The following NXN variants were observed in gnomAD, a reference collection of about 807,000 sequenced individuals.
NXN encodes nucleoredoxin 1.
In NXN, 16 loss-of-function variants were observed where a neutral mutation model predicts 48.6. That is an observed-to-expected ratio of 0.33 (90% CI 0.22 to 0.50). NXN has a LOEUF of 0.50. Among genes scored for constraint, NXN ranks in the 20% least tolerant of loss-of-function variants. NXN has a pLI of 0.98. For synonymous variants in NXN, 281 were observed against 269.6 expected (o/e 1.04, Z -0.41); for missense variants, 492 against 605.5 (o/e 0.81, Z 1.97).
chr17:901,341 G>C (rs1368046798), intron 1 of NXN, among the ~76,000 whole-genome samples: 4 of 152,188 alleles, frequency 2.6e-5, no homozygotes, highest in African/African-American at 9.7e-5. Context: ...ACAGTATCTG[G>C]CACAAAGGCA....
intron 1 of NXN, among the ~76,000 whole-genome samples, chr17:899,672 G>T (rs545991313): frequency 9.2e-5 from 14 of 152,204 alleles, no homozygotes; most frequent in African/African-American, 3.1e-4. Context: ...TAGGTACAGG[G>T]TTTCTTTTCC....
chr17:805,496 C>T (rs1303945766), intron 5 of NXN, among the ~76,000 whole-genome samples: 2 of 152,204 alleles, frequency 1.3e-5, no homozygotes, highest in Non-Finnish European at 2.9e-5. Context: ...TTCAGGGCCT[C>T]AGGATCCTCA....
At chr17:865,961 C>T (rs2068091642) in intron 1 of NXN, among the ~76,000 whole-genome samples, 3 of 151,300 alleles carry the variant, frequency 2.0e-5, no homozygotes, top group African/African-American at 4.9e-5. Flanking sequence ...CCAGCCTGGG[C>T]GACAGAGCAA....
chr17:866,952 T>G (rs529502463), intron 1 of NXN, among the ~76,000 whole-genome samples: 1 of 152,206 alleles, frequency 6.6e-6, no homozygotes, highest in African/African-American at 2.4e-5. Flanking sequence ...GAAAGAAAAC[T>G]GATGCCAGCT....
intron 1 of NXN, among the ~76,000 whole-genome samples, chr17:891,667 C>G (rs762850035): frequency 6.1e-5 from 9 of 148,700 alleles, no homozygotes; most frequent in Non-Finnish European, 1.2e-4. Flanking sequence ...AGAGACTGTA[C>G]TTAGTTGGGG....
At chr17:945,722 A>G (rs75158649) in intron 1 of NXN, among the ~76,000 whole-genome samples, 17,155 of 152,028 alleles carry the variant, frequency 0.11, 1,517 homozygotes, top group East Asian at 0.28. Flanking sequence ...TTGTTTTCAT[A>G]TCTTTAGCCC....
intron 1 of NXN, among the ~76,000 whole-genome samples, chr17:895,962 C>T (rs1431042237): frequency 6.6e-6 from 1 of 152,046 alleles, no homozygotes; most frequent in Non-Finnish European, 1.5e-5. Context: ...AATCCCAATG[C>T]TTTGGGAGGC....
chr17:979,204 G>A (rs1233182069), intron 1 of NXN, 115 bp downstream of exon 1: 1 of 497,968 alleles, frequency 2.0e-6, no homozygotes, highest in Non-Finnish European at 2.9e-6. Context: ...GGGGGGTGGA[G>A]GGCGGGCAGG....
At chr17:811,040 G>A (rs1211124492) in intron 5 of NXN, among the ~76,000 whole-genome samples, 1 of 152,022 alleles carries the variant, frequency 6.6e-6, no homozygotes, top group Non-Finnish European at 1.5e-5. Flanking sequence ...TTTTTGAAAG[G>A]GGCAAAGGAA....
intron 1 of NXN, among the ~76,000 whole-genome samples, chr17:861,911 C>T (rs1344426997): frequency 6.6e-6 from 1 of 151,944 alleles, no homozygotes; most frequent in Non-Finnish European, 1.5e-5. Context: ...CTCACTGCAA[C>T]CTCTGTCTCC....
intron 1 of NXN, among the ~76,000 whole-genome samples, chr17:881,202 G>C (rs2068280148): frequency 6.6e-6 from 1 of 152,168 alleles, no homozygotes; most frequent in African/African-American, 2.4e-5. Context: ...TGAGGACGTG[G>C]AGCAAGTGCG....
chr17:817,540 G>C (rs1301095773), intron 5 of NXN, among the ~76,000 whole-genome samples: 1 of 151,998 alleles, frequency 6.6e-6, no homozygotes, highest in African/African-American at 2.4e-5. Flanking sequence ...CGTGTGGTGG[G>C]TGCCTGTGGT....
intron 1 of NXN, among the ~76,000 whole-genome samples, chr17:904,296 ACGCC>A (rs2068563416): frequency 7.6e-6 from 1 of 131,392 alleles, no homozygotes; most frequent in African/African-American, 4.0e-5. Flanking sequence ...CGGACGTCGG[ACGCC>A]GTCCGGCTTC....
At chr17:855,355 A>T (rs1191586558) in intron 1 of NXN, among the ~76,000 whole-genome samples, 1 of 152,190 alleles carries the variant, frequency 6.6e-6, no homozygotes, top group Non-Finnish European at 1.5e-5. Context: ...CGGGTCTGAT[A>T]GCGCCCAAGG....
chr17:978,320 T>G lies in NXN; in HGVS notation c.360+999A>C, dbSNP rs1335353306. The G allele has an allele frequency of 6.6e-6, 1 of 152,368 alleles. No homozygotes were observed. The highest frequency in any genetic ancestry group is 1.9e-4 in the East Asian group (1 of 5,188). The allele number at this position is 152,368 out of a possible 1,614,324, so 9.4% of individuals were successfully genotyped here. A position where few individuals can be genotyped will look rare whatever the true frequency, so the allele number is the denominator to read the frequency against. On this transcript the variant is annotated intron_variant, in intron 1 of 7. Transcript: ENST00000336868. The surrounding 1 kb of genome is among the most constrained non-coding windows in gnomAD (Gnocchi z 4.1). ...TCCATTCATTACAAAATGTCCTGGA[T>G]GTGCTTTATTATCACAGAGACAGAC...
chr17:850,567 T>C (rs969255001), intron 1 of NXN, among the ~76,000 whole-genome samples: 7 of 152,170 alleles, frequency 4.6e-5, no homozygotes, highest in African/African-American at 1.7e-4. Context: ...TGGGAAGGTT[T>C]TGCAAGCTCA....
intron 1 of NXN, among the ~76,000 whole-genome samples, chr17:962,246 C>T (rs2069246587): frequency 6.6e-6 from 1 of 152,200 alleles, no homozygotes; most frequent in East Asian, 1.9e-4. Flanking sequence ...GCAATAGATA[C>T]ATTCCTGAGA....
chr17:933,866 T>C lies in NXN; in HGVS notation c.360+45453A>G, dbSNP rs117823536. On this transcript the variant is annotated intron_variant, in intron 1 of 7. Coordinates refer to ENST00000336868, the MANE Select transcript of NXN (RefSeq NM_022463.5). ...CACAAATACCAGAACACTTATCAAT[T>C]TGGACTAAAGTCGTGGATTCCAATA... 1.3e-4 allele frequency among the ~76,000 whole-genome samples: 20 copies of C among 152,242 alleles called. No homozygotes were observed. In the East Asian group the frequency reaches 3.1e-3, roughly 24 times the overall value.
intron 1 of NXN, chr17:930,026 G>T (rs1026159180): frequency 6.6e-6 from 1 of 151,910 alleles, no homozygotes; most frequent in Admixed American, 6.6e-5. Context: ...TCCAACTCAG[G>T]AAAGTACCGA....
Sources: allele counts gnomAD v4.1 joint callset (sites outside exome capture counted in the v4.1 genomes callset), GRCh38; gene constraint gnomAD v4.1.1; non-coding constraint Gnocchi (gnomAD v3.1); transcripts MANE v1.5; gene names NCBI Gene and HGNC (gene_info 2026-07-23, HGNC 2026-07-21).